RAC1: variants seen among roughly 807,000 people sequenced by gnomAD.
RAC1 encodes Rac family small GTPase 1.
Under a neutral mutation model 25.2 loss-of-function variants are expected in RAC1, and 2 were observed. That is an observed-to-expected ratio of 0.08 (90% CI 0.03 to 0.25). RAC1 has a LOEUF of 0.25. Ranked by LOEUF, RAC1 falls within the 10% of genes least tolerant of loss-of-function variation. RAC1 has a pLI of 1.00. For synonymous variants in RAC1, 88 were observed against 94.0 expected (o/e 0.94, Z 0.37); for missense variants, 50 against 235.7 (o/e 0.21, Z 5.16).
At chr7:6,394,223 C>T (rs34639041) in intron 3 of RAC1, among the ~76,000 whole-genome samples, 196 of 152,302 alleles carry the variant, frequency 1.3e-3, no homozygotes, top group African/African-American at 4.4e-3. Context: ...GCAGCTCTGT[C>T]GGGCTAAGTC....
At chr7:6,391,771 C>T (rs1200185046) in intron 2 of RAC1, among the ~76,000 whole-genome samples, 153 bp from the exon 3 acceptor site, 2 of 152,094 alleles carry the variant, frequency 1.3e-5, no homozygotes, top group African/African-American at 4.8e-5. Flanking sequence ...TTTGCCCGTG[C>T]CGCCTTCCTC....
intron 5 of RAC1, 41 bp from the exon 6 acceptor site, chr7:6,402,274 TG>T: frequency 6.4e-7 from 1 of 1,561,502 alleles, no homozygotes. Flanking sequence ...CAGAAGAGAG[TG>T]GGGTCGAGTG....
chr7:6,397,253 GAAAAAAAA>G lies in RAC1; in HGVS notation c.226-2872_226-2865del, dbSNP rs888642726. On this transcript the variant is annotated intron_variant, in intron 3 of 5. Coordinates refer to ENST00000348035, the MANE Select transcript of RAC1 (RefSeq NM_006908.5). ...GAGACTCTGTCTCAAAAAAAAAAAAGAAAAAAAAGAAAAAAAGAAAAGCTTGAGTGAGA... is the reference window on the plus strand; with the variant it reads ...GAGACTCTGTCTCAAAAAAAAAAAAGGAAAAAAAGAAAAGCTTGAGTGAGA... 2.1e-4 allele frequency among the ~76,000 whole-genome samples: 20 copies of G among 96,270 alleles called. 1 individual carries two copies. In the East Asian group the frequency reaches 4.3e-3, roughly 21 times the overall value. The allele number at this position is 96,270 out of a possible 152,430, so 63.2% of individuals were successfully genotyped here.
chr7:6,395,779 G>A (rs149761213), intron 3 of RAC1, among the ~76,000 whole-genome samples: 10 of 152,340 alleles, frequency 6.6e-5, no homozygotes, highest in Admixed American at 5.2e-4. Context: ...GATTACAGGC[G>A]TGAGCCACTG....
At chr7:6,381,791 A>ACT (rs1278899279) in intron 1 of RAC1, among the ~76,000 whole-genome samples, 1 of 151,838 alleles carries the variant, frequency 6.6e-6, no homozygotes, top group East Asian at 1.9e-4. Context: ...GCACTGCACT[A>ACT]CTCTAGTGGT....
chr7:6,392,559 CTG>C (rs1783117751), intron 3 of RAC1, among the ~76,000 whole-genome samples: 1 of 152,170 alleles, frequency 6.6e-6, no homozygotes, highest in Non-Finnish European at 1.5e-5. Flanking sequence ...AATGTATCCA[CTG>C]TGTCTAATCA....
At chr7:6,387,767 T>C (rs1258382297) in intron 2 of RAC1, among the ~76,000 whole-genome samples, 2 of 152,078 alleles carry the variant, frequency 1.3e-5, no homozygotes, top group Non-Finnish European at 2.9e-5. Flanking sequence ...TATAAACTTT[T>C]CACAACTTTG....
chr7:6,375,641 T>C (rs1433043093), intron 1 of RAC1, among the ~76,000 whole-genome samples: 1 of 151,996 alleles, frequency 6.6e-6, no homozygotes, highest in South Asian at 2.1e-4. Flanking sequence ...CCGGCTGTAA[T>C]GGGGGACTGT....
chr7:6,394,209 T>C (rs140503341), intron 3 of RAC1, among the ~76,000 whole-genome samples: 118 of 152,338 alleles, frequency 7.7e-4, no homozygotes, highest in Middle Eastern at 6.8e-3. Context: ...ATCCTCTCTA[T>C]TGGGCAGCTC....
intron 2 of RAC1, among the ~76,000 whole-genome samples, chr7:6,387,500 A>G (rs926486899): frequency 3.9e-5 from 6 of 152,138 alleles, no homozygotes; most frequent in Non-Finnish European, 5.9e-5. Flanking sequence ...AGGCGGGTGG[A>G]TCAACTGAGG....
intron 2 of RAC1, among the ~76,000 whole-genome samples, chr7:6,389,317 A>G (rs1265788444): frequency 6.6e-6 from 1 of 152,106 alleles, no homozygotes; most frequent in Non-Finnish European, 1.5e-5. Flanking sequence ...ACACACTGCC[A>G]TTAACGTGGG....
intron 1 of RAC1, among the ~76,000 whole-genome samples, chr7:6,386,167 C>T (rs1460017882): frequency 1.3e-5 from 2 of 152,160 alleles, no homozygotes; most frequent in African/African-American, 2.4e-5. Flanking sequence ...ACACACTTCT[C>T]TGTTTGGCAA....
intron 1 of RAC1, among the ~76,000 whole-genome samples, chr7:6,383,550 C>T (rs894081221): frequency 6.6e-6 from 1 of 152,032 alleles, no homozygotes; most frequent in Non-Finnish European, 1.5e-5. Flanking sequence ...TGAATTTCTT[C>T]CCGGTTGAGC....
chr7:6,391,042 G>C (rs1370078111), intron 2 of RAC1, among the ~76,000 whole-genome samples: 1 of 152,002 alleles, frequency 6.6e-6, no homozygotes, highest in Admixed American at 6.6e-5. Context: ...GACTACAGGT[G>C]CCTGTCACCA....
chr7:6,397,136 G>T (rs1310688891), intron 3 of RAC1, among the ~76,000 whole-genome samples: 1 of 142,880 alleles, frequency 7.0e-6, no homozygotes, highest in Non-Finnish European at 1.5e-5. Context: ...AGCTACTGGG[G>T]ATGCTGAGGC....
chr7:6,402,109 G>C, intron 5 of RAC1, 82 bp downstream of exon 5: 1 of 1,510,148 alleles, frequency 6.6e-7, no homozygotes. Flanking sequence ...GGGAAAGGAG[G>C]GTGTGTGTCT....
At chr7:6,397,289 A>C (rs2115209867) in intron 3 of RAC1, among the ~76,000 whole-genome samples, 1 of 148,392 alleles carries the variant, frequency 6.7e-6, no homozygotes, top group South Asian at 2.2e-4. Context: ...GAGTGAGATG[A>C]AATTAAAATA....
chr7:6,393,625 G>A (rs2115203775), intron 3 of RAC1, among the ~76,000 whole-genome samples: 1 of 152,272 alleles, frequency 6.6e-6, no homozygotes, highest in East Asian at 1.9e-4. Flanking sequence ...GTCCTCATAG[G>A]GCTAGAACTT....
chr7:6,375,430 T>A (rs1413178230), intron 1 of RAC1, among the ~76,000 whole-genome samples: 3 of 152,110 alleles, frequency 2.0e-5, no homozygotes, highest in Non-Finnish European at 4.4e-5. Context: ...CTCACTGTGT[T>A]GTCCAGGCTG....
Sources: allele counts gnomAD v4.1 joint callset (sites outside exome capture counted in the v4.1 genomes callset), GRCh38; gene constraint gnomAD v4.1.1; transcripts MANE v1.5; gene names NCBI Gene and HGNC (gene_info 2026-07-23, HGNC 2026-07-21).